The following STK33 variants were observed in gnomAD, a reference collection of about 807,000 sequenced individuals.
The protein encoded by STK33 is serine/threonine-protein kinase 33.
A neutral mutation model predicts 58.0 loss-of-function variants in STK33; 52 were observed. That is an observed-to-expected ratio of 0.90 (90% CI 0.72 to 1.13). The LOEUF is 1.13. STK33 is among the 50% of genes most tolerant of loss of function. The pLI is 0.00. For missense variants in STK33, 630 were observed against 604.2 expected (o/e 1.04, Z -0.45); for synonymous variants, 215 against 200.1 (o/e 1.07, Z -0.63).
chr11:8,338,422 G>C, the STK33 span, among the ~76,000 whole-genome samples: 1 of 152,190 alleles, frequency 6.6e-6, no homozygotes, highest in South Asian at 2.1e-4. Flanking sequence ...CGATGTCTCT[G>C]ATCCTATCAG....
intron 1 of STK33, among the ~76,000 whole-genome samples, chr11:8,534,755 A>T (rs1954860912): frequency 6.6e-6 from 1 of 152,080 alleles, no homozygotes; most frequent in Admixed American, 6.6e-5. Flanking sequence ...TACTGTTTTG[A>T]GTGGCATAAG....
At chr11:8,525,025 G>T (rs552055302) in intron 1 of STK33, among the ~76,000 whole-genome samples, 56 of 152,068 alleles carry the variant, frequency 3.7e-4, no homozygotes, top group African/African-American at 1.1e-3. Context: ...AAAAAAACTG[G>T]TTTTTTAATG....
chr11:8,392,102 G>C lies in STK33; in HGVS notation c.*408C>G. ...TTCTAACAAAGTCTTCTAGTGCAAA[G>C]TGCACATAATTATTTGGCACCTCCA... On this transcript the variant is annotated 3_prime_UTR_variant, in exon 16 of 16. Transcript: ENST00000687296. 5.3e-6 allele frequency: 1 copy of C among 188,450 alleles called. No homozygotes were observed. The highest frequency in any genetic ancestry group is 1.4e-4 in the East Asian group (1 of 7,288). 11.7% of individuals were successfully genotyped at this position (188,450 alleles called of 1,614,324 possible).
Position 8,457,383 on chromosome 11 carries a change from T to A in STK33, c.655A>T (p.Ile219Phe), listed in dbSNP as rs758951700. The change falls in exon 9 of 16, where the codon ATT (isoleucine) becomes TTT (phenylalanine). Residue 219 changes from isoleucine to phenylalanine, a missense_variant. Physicochemically the swap from Ile to Phe is conservative, Grantham distance 21. Transcript: ENST00000687296. ...HFSENETRWI[I>F]QSLASAIAYL... ...GCTATAGCTGATGCGAGACTTTGAATGATCCACCTTGTCTCATTCTCTGAG... is the reference window on the plus strand; with the variant it reads ...GCTATAGCTGATGCGAGACTTTGAAAGATCCACCTTGTCTCATTCTCTGAG... 1.2e-6 allele frequency: 2 copies of A among 1,606,444 alleles called. No homozygotes were observed. The highest frequency in any genetic ancestry group is 1.7e-6 in the Non-Finnish European group (2 of 1,174,602).
intron 5 of STK33, among the ~76,000 whole-genome samples, chr11:8,473,795 GA>G (rs1949010587): frequency 1.3e-5 from 2 of 152,102 alleles, no homozygotes; most frequent in Non-Finnish European, 2.9e-5. Context: ...TGAGGAATGG[GA>G]ACCTGACTTT....
In STK33 at chr11:8,456,664, C is replaced by T. The variant is rs77315931; in HGVS notation, c.697+677G>A. Among the ~76,000 whole-genome samples the T allele has an allele frequency of 1.6e-4, 24 of 152,228 alleles. No homozygotes were observed. The East Asian group carries it at 4.4e-3, about 28-fold the overall frequency. On this transcript the variant is annotated intron_variant, in intron 9 of 15. Transcript: ENST00000687296. The stretch of plus-strand genomic sequence containing the variant: ...CCAAACTAACCTCGAAGGAAAAAAA[C>T]GGGGGGAGGAGCAGCAGCAGTAACA...
chr11:8,423,923 G>T (rs948430018), intron 14 of STK33, among the ~76,000 whole-genome samples: 1 of 151,764 alleles, frequency 6.6e-6, no homozygotes, highest in African/African-American at 2.4e-5. Flanking sequence ...TTTTTGAGTT[G>T]AATCTTTAAT....
chr11:8,386,673 C>A, the STK33 span, among the ~76,000 whole-genome samples: 1 of 152,150 alleles, frequency 6.6e-6, no homozygotes, highest in African/African-American at 2.4e-5. Context: ...CATGGCTGCC[C>A]CCTGAACCAG....
chr11:8,563,400 A>G (rs937252176), intron 1 of STK33, among the ~76,000 whole-genome samples: 2 of 152,162 alleles, frequency 1.3e-5, no homozygotes, highest in Non-Finnish European at 2.9e-5. Flanking sequence ...GGTGACTCTA[A>G]CCCAGCCTAT....
intron 1 of STK33, among the ~76,000 whole-genome samples, chr11:8,528,728 T>C (rs936888073): frequency 2.6e-5 from 4 of 152,220 alleles, no homozygotes; most frequent in African/African-American, 4.8e-5. Flanking sequence ...CTTTGTATCA[T>C]GTGCACACGC....
At chr11:8,467,508 G>C (rs1948329236) in intron 6 of STK33, 2 of 152,250 alleles carry the variant, frequency 1.3e-5, no homozygotes, top group South Asian at 2.1e-4. Context: ...AAGCACCTCA[G>C]CCTGAATTTC....
the STK33 span, among the ~76,000 whole-genome samples, chr11:8,356,919 G>C: frequency 1.3e-5 from 2 of 152,198 alleles, no homozygotes; most frequent in Non-Finnish European, 2.9e-5. Context: ...ACAGGAGCCT[G>C]ACCCCAAGTT....
the STK33 span, among the ~76,000 whole-genome samples, chr11:8,364,764 G>A: frequency 5.3e-5 from 8 of 152,170 alleles, no homozygotes; most frequent in Non-Finnish European, 1.0e-4. Context: ...GTATGAATAT[G>A]CCACAATTTA....
chr11:8,380,209 T>G, the STK33 span, among the ~76,000 whole-genome samples: 4 of 152,156 alleles, frequency 2.6e-5, no homozygotes, highest in African/African-American at 9.7e-5. Flanking sequence ...CACCACACTG[T>G]TTTCCACAAT....
intron 1 of STK33, among the ~76,000 whole-genome samples, chr11:8,548,423 T>C (rs2140496456): frequency 6.6e-6 from 1 of 152,348 alleles, no homozygotes; most frequent in South Asian, 2.1e-4. Context: ...GCTGTAAATG[T>C]ATGGATTTAT....
At chr11:8,392,806 T>C (rs192884707) in intron 15 of STK33, 96 bp from the exon 16 acceptor site, 25 of 1,246,822 alleles carry the variant, frequency 2.0e-5, no homozygotes, top group Non-Finnish European at 2.8e-5. Context: ...GATTTGCAAG[T>C]TGGAGCCCTC....
At chr11:8,451,732 C>T (rs925451888) in intron 11 of STK33, among the ~76,000 whole-genome samples, 1 of 152,048 alleles carries the variant, frequency 6.6e-6, no homozygotes, top group African/African-American at 2.4e-5. Flanking sequence ...TATTGTAAAA[C>T]AAAAATATAT....
the STK33 span, among the ~76,000 whole-genome samples, chr11:8,350,449 C>T: frequency 6.6e-6 from 1 of 152,200 alleles, no homozygotes; most frequent in Non-Finnish European, 1.5e-5. Context: ...TCGGATGCCC[C>T]CGCCCTGCCC....
In STK33 at chr11:8,464,815, T is replaced by C. The variant is rs756007543; in HGVS notation, c.347A>G (p.Tyr116Cys). The C allele has an allele frequency of 2.5e-6, 4 of 1,593,482 alleles. No individual in the cohort carries two copies. Among genetic ancestry groups the C allele is most frequent in the East Asian group, 4.5e-5 (2 of 44,644 alleles). ...IENGAAIEEI[Y>C]TFGRILGKGS... is the part of the protein sequence containing the mutation. ...TTTTCCCAATATTCTTCCAAAGGTA[T>C]AGATTTCCTGGAGAAAAAAAAAAAA... The change falls in exon 7 of 16, where the codon TAT becomes TGT. Residue 116 changes from tyrosine to cysteine, a missense_variant. Coordinates refer to ENST00000687296, the MANE Select transcript of STK33 (RefSeq NM_001352389.2).
Sources: allele counts gnomAD v4.1 joint callset (sites outside exome capture counted in the v4.1 genomes callset), GRCh38; gene constraint gnomAD v4.1.1; transcripts MANE v1.5; gene names NCBI Gene and HGNC (gene_info 2026-07-23, HGNC 2026-07-21).